Variants in ATG2B observed in about 807,000 individuals in gnomAD.
The protein encoded by ATG2B is autophagy-related protein 2 homolog B.
ATG2B carries 121 observed loss-of-function variants against 241.3 expected under a neutral mutation model. That is an observed-to-expected ratio of 0.50 (90% CI 0.43 to 0.58). The LOEUF (loss-of-function observed/expected upper bound fraction) is 0.58. Among genes scored for constraint, ATG2B ranks in the 20% least tolerant of loss-of-function variants. The pLI, the probability that ATG2B is intolerant of heterozygous loss-of-function variation, is 0.00. For synonymous variants in ATG2B, 858 were observed against 876.6 expected (o/e 0.98, Z 0.37); for missense variants, 2,306 against 2,491.6 (o/e 0.93, Z 1.59).
Position 96,290,714 on chromosome 14 carries a change from G to A in ATG2B, c.5701+100C>T. On this transcript the variant is annotated intron_variant, in intron 39 of 41. Transcript: ENST00000359933. The surrounding 1 kb of genome is among the most constrained non-coding windows in gnomAD (Gnocchi z 4.4). ...TTTGTGTATATGAGTACATATGTGA[G>A]TTTTCTAGACTAATGGTCCTCACAT... 1.3e-6 allele frequency: 2 copies of A among 1,542,794 alleles called. No individual in the cohort carries two copies. The highest frequency in any genetic ancestry group is 1.2e-5 in the South Asian group (1 of 81,488).
At chr14:96,293,629 G>C (rs1302100690) in intron 36 of ATG2B, among the ~76,000 whole-genome samples, 1 of 152,168 alleles carries the variant, frequency 6.6e-6, no homozygotes, top group Non-Finnish European at 1.5e-5. Context: ...CTGTGGTCTT[G>C]AGCAAGTCAA....
rs188319764 is a variant in ATG2B at position 96,287,578 on chromosome 14, C to G, written c.6007-1593G>C. 2.6e-5 allele frequency among the ~76,000 whole-genome samples: 4 copies of G among 152,284 alleles called. No homozygotes were observed. The East Asian group carries it at 7.7e-4, about 29-fold the overall frequency. ...TTTAAAGAGGGAACTAAAATGCTGC[C>G]TTCCTCCTACGGTGATTGTTAGAAT... On this transcript the variant is annotated intron_variant, in intron 41 of 41. Coordinates refer to ENST00000359933, the MANE Select transcript of ATG2B (RefSeq NM_018036.7).
chr14:96,363,020 C>A lies in ATG2B; in HGVS notation c.-44G>T, dbSNP rs371403080. On this transcript the variant is annotated 5_prime_UTR_variant, in exon 1 of 42. Transcript: ENST00000359933. ...GGCTGACTGCGGCTGCGGGTTGCGA[C>A]GGCTCCGGCCTCGGGGTAGCGACTC... The A allele has an allele frequency of 7.3e-5, 118 of 1,608,930 alleles. No homozygotes were observed. In the African/African-American group the frequency reaches 1.5e-3, roughly 21 times the overall value.
At chr14:96,348,871 C>T (rs545019404) in intron 1 of ATG2B, among the ~76,000 whole-genome samples, 3 of 152,174 alleles carry the variant, frequency 2.0e-5, no homozygotes, top group East Asian at 1.9e-4. Context: ...AAATATCTCA[C>T]GTACCCCATT....
chr14:96,338,780 A>G (rs1353864500), intron 6 of ATG2B, among the ~76,000 whole-genome samples: 1 of 152,144 alleles, frequency 6.6e-6, no homozygotes, highest in Non-Finnish European at 1.5e-5. Flanking sequence ...AACAAAAATA[A>G]ATGGGACCTG....
chr14:96,292,596 C>A (rs987736317), intron 36 of ATG2B, among the ~76,000 whole-genome samples: 5 of 152,196 alleles, frequency 3.3e-5, no homozygotes, highest in African/African-American at 9.7e-5. Context: ...CTGGCATGAA[C>A]CCCAGGTTCA....
rs755943839 is a variant in ATG2B at position 96,328,909 on chromosome 14, T to C, written c.1882-143A>G. On this transcript the variant is annotated intron_variant, in intron 12 of 41. Transcript: ENST00000359933. ...TGTCACTTACTAGCAATGTGAACCT[T>C]AGACAAGTTAGTTAACTCATGTGAT... is the stretch of plus-strand genomic sequence containing the variant. 2.2e-5 allele frequency: 12 copies of C among 546,924 alleles called. No individual in the cohort carries two copies. The East Asian group carries it at 2.4e-4, about 11-fold the overall frequency. 33.9% of individuals were successfully genotyped at this position (546,924 alleles called of 1,614,324 possible). A position where few individuals can be genotyped will look rare whatever the true frequency, so the allele number is the denominator to read the frequency against.
intron 11 of ATG2B, 134 bp from the exon 12 acceptor site, chr14:96,329,768 C>A: frequency 1.8e-6 from 1 of 562,294 alleles, no homozygotes. Context: ...TCAAATTTCC[C>A]TTTCCTTAAG....
In ATG2B at chr14:96,280,075, G is replaced by A. The variant is rs1886157870; in HGVS notation, c.*5680C>T. 1.3e-5 allele frequency: 2 copies of A among 152,276 alleles called. No individual in the cohort carries two copies. Among genetic ancestry groups the A allele is most frequent in the Non-Finnish European group, 2.9e-5 (2 of 68,110 alleles). 9.4% of individuals were successfully genotyped at this position (152,276 alleles called of 1,614,324 possible). A position where few individuals can be genotyped will look rare whatever the true frequency, so the allele number is the denominator to read the frequency against. The stretch of plus-strand genomic sequence containing the variant: ...AGGTGGTGCTAACCCCTACTCACGG[G>A]CATGCAGAACTGAACCGCTGGGGTG... On this transcript the variant is annotated 3_prime_UTR_variant, in exon 42 of 42. Transcript: ENST00000359933.
intron 14 of ATG2B, among the ~76,000 whole-genome samples, chr14:96,327,461 C>T (rs1887615396): frequency 6.6e-6 from 1 of 152,000 alleles, no homozygotes; most frequent in African/African-American, 2.4e-5. Context: ...GCACCAGATG[C>T]AAGTAAAAGT....
At chr14:96,294,907 A>G (rs1886587678) in intron 36 of ATG2B, 53 bp downstream of exon 36, 1 of 1,534,508 alleles carries the variant, frequency 6.5e-7, no homozygotes, top group East Asian at 2.3e-5. Flanking sequence ...ATCACAGAAC[A>G]ATCTTCAAAA....
At chr14:96,296,815 T>G (rs1379988940) in intron 34 of ATG2B, among the ~76,000 whole-genome samples, 2 of 150,002 alleles carry the variant, frequency 1.3e-5, no homozygotes, top group African/African-American at 4.9e-5. Context: ...AAAACATTAA[T>G]ACTGTGCCAA....
At chr14:96,342,416 T>C (rs1352267820) in intron 5 of ATG2B, among the ~76,000 whole-genome samples, 1 of 152,066 alleles carries the variant, frequency 6.6e-6, no homozygotes, top group Non-Finnish European at 1.5e-5. Context: ...GCTATGTGTA[T>C]AAGGCATATA....
rs148173215 is a variant in ATG2B, at chr14:96,307,267, C to T, written c.4304-351G>A. 4.3e-3 allele frequency among the ~76,000 whole-genome samples: 649 copies of T among 152,122 alleles called. 26 individuals are homozygous for T. In the South Asian group the frequency reaches 0.067, roughly 16 times the overall value. On this transcript the variant is annotated intron_variant, in intron 29 of 41. Coordinates refer to ENST00000359933, the MANE Select transcript of ATG2B (RefSeq NM_018036.7). Reference sequence around the variant, plus strand: ...TCTCTACTAAAAATACAAAAATCAGCTGGGCATGGTGGCACACACCTGAGT... The same window carrying T: ...TCTCTACTAAAAATACAAAAATCAGTTGGGCATGGTGGCACACACCTGAGT...
chr14:96,289,818 G>A lies in ATG2B; in HGVS notation c.5857-13C>T. ...TCTCTGCAGCTGCCTGGATCATTTT[G>A]TCAAAAGGAAGAAATGAATTAGAAG... On this transcript the variant is annotated splice_polypyrimidine_tract_variant and intron_variant, in intron 40 of 41. Coordinates refer to ENST00000359933, the MANE Select transcript of ATG2B (RefSeq NM_018036.7). This position sits in a 1 kb window ranked among gnomAD's most constrained non-coding sequence, Gnocchi z 4.3. The A allele has an allele frequency of 6.2e-7, 1 of 1,613,554 alleles. No individual in the cohort carries two copies. Among genetic ancestry groups the A allele is most frequent in the Non-Finnish European group, 8.5e-7 (1 of 1,179,688 alleles).
At position 96,305,669 on chromosome 14, in the gene ATG2B, C is replaced by T. The variant is rs1300040780; in HGVS notation, c.4653G>A (p.Lys1551=). 3 of 1,614,046 alleles carry T rather than the reference C, an allele frequency of 1.9e-6. No individual in the cohort carries two copies. Among genetic ancestry groups the T allele is most frequent in the African/African-American group, 2.7e-5 (2 of 74,938 alleles). The change falls in exon 31 of 42, where the codon AAG becomes AAA. Residue 1551 remains lysine, a synonymous_variant. Coordinates refer to ENST00000359933, the MANE Select transcript of ATG2B (RefSeq NM_018036.7). The part of the protein sequence containing the change: ...FPIPVIRYVV[K]EVSLVWHLYG... ...AAAGATGCCAGACAAGAGAGACCTCCTTCACCACATAGCGAATCACAGGAA... is the reference window on the plus strand; with the variant it reads ...AAAGATGCCAGACAAGAGAGACCTCTTTCACCACATAGCGAATCACAGGAA...
chr14:96,306,898 G>A lies in ATG2B; in HGVS notation c.4322C>T (p.Ser1441Phe). 6.2e-7 allele frequency: 1 copy of A among 1,612,744 alleles called. No homozygotes were observed. Among genetic ancestry groups the A allele is most frequent in the East Asian group, 2.2e-5 (1 of 44,864 alleles). The part of the protein sequence containing the change: ...PQANGVLDEK[S>F]QIQEPCCSDL... ...TGAACAACATGGCTCCTGAATTTGA[G>A]ATTTTTCATCCAAAACACCTAGATA... is the stretch of plus-strand genomic sequence containing the variant. The change falls in exon 30 of 42, where the codon TCT becomes TTT. Residue 1441 changes from serine (S) to phenylalanine (F), a missense_variant. Physicochemically the swap from Ser to Phe is radical, Grantham distance 155. Coordinates refer to ENST00000359933, the MANE Select transcript of ATG2B (RefSeq NM_018036.7).
intron 26 of ATG2B, among the ~76,000 whole-genome samples, 195 bp from the exon 27 acceptor site, chr14:96,311,813 T>C (rs1887166406): frequency 6.6e-6 from 1 of 152,132 alleles, no homozygotes. Flanking sequence ...ACAAAAATTA[T>C]CTTAAATAAA....
In ATG2B at chr14:96,362,926, G is replaced by T; in HGVS notation, c.51C>A (p.Leu17=). 1 of 1,613,720 alleles carries T rather than the reference G, an allele frequency of 6.2e-7. No homozygotes were observed. The highest frequency in any genetic ancestry group is 8.5e-7 in the Non-Finnish European group (1 of 1,179,972). Residue 17 remains leucine (L), a synonymous_variant, in exon 1 of 42, where the codon CTC becomes CTA. Coordinates refer to ENST00000359933, the MANE Select transcript of ATG2B (RefSeq NM_018036.7). ...GAAAGTGGCCCAGGTACCTCTGCAGGAGGTACCGGCAGGCCCTCTTCTTGA... is the reference window on the plus strand; with the variant it reads ...GAAAGTGGCCCAGGTACCTCTGCAGTAGGTACCGGCAGGCCCTCTTCTTGA... ...ESIKKRACRY[L]LQRYLGHFLQ...
Sources: gnomAD v4.1 joint callset for allele counts (sites outside exome capture counted in the v4.1 genomes callset) on GRCh38, gnomAD v4.1.1 for gene constraint, Gnocchi (gnomAD v3.1) non-coding constraint, MANE v1.5 for transcripts, NCBI Gene and HGNC (gene_info 2026-07-23, HGNC 2026-07-21) for gene names.